ABCB5: variants seen among roughly 807,000 people sequenced by gnomAD.
ABCB5 encodes the protein ATP binding cassette subfamily B member 5.
Under a neutral mutation model 144.2 loss-of-function variants are expected in ABCB5, and 155 were observed. The ratio of observed to expected loss-of-function variants is 1.08; its 90% CI spans 0.94 to 1.23. ABCB5 has a LOEUF of 1.23. Among genes scored for constraint, ABCB5 ranks in the 50% most tolerant of loss-of-function variants. ABCB5 has a pLI of 0.00. For missense variants in ABCB5, 1,830 were observed against 1,520.8 expected, an observed-to-expected ratio of 1.20 and a Z score of -3.38; for synonymous variants, 610 against 528.6, an observed-to-expected ratio of 1.15 and a Z score of -2.11.
intron 14 of ABCB5, among the ~76,000 whole-genome samples, chr7:20,665,354 G>A (rs1445256168): frequency 1.3e-5 from 2 of 152,150 alleles, no homozygotes; most frequent in Non-Finnish European, 2.9e-5. Flanking sequence ...TGGTCTGACA[G>A]TAACCCCACA....
At chr7:20,689,764 T>C (rs1435170358) in intron 16 of ABCB5, among the ~76,000 whole-genome samples, 2 of 152,168 alleles carry the variant, frequency 1.3e-5, no homozygotes, top group Non-Finnish European at 2.9e-5. Flanking sequence ...TGCGGCACCC[T>C]CTACTGACAG....
chr7:20,632,533 A>G (rs540280589), intron 5 of ABCB5, among the ~76,000 whole-genome samples: 1 of 152,316 alleles, frequency 6.6e-6, no homozygotes, highest in Admixed American at 6.5e-5. Context: ...AGGACTATAA[A>G]TCATGCTGCT....
intron 14 of ABCB5, among the ~76,000 whole-genome samples, chr7:20,676,185 C>G (rs1299383187): frequency 4.7e-5 from 7 of 150,478 alleles, no homozygotes; most frequent in Non-Finnish European, 1.5e-5. Context: ...CACACACACA[C>G]ACACACACAC....
At position 20,756,895 on chromosome 7, in the gene ABCB5, C is replaced by A. The variant is rs1783102214; in HGVS notation, c.*1271C>A. On this transcript the variant is annotated 3_prime_UTR_variant, in exon 28 of 28. Coordinates refer to ENST00000404938, the MANE Select transcript of ABCB5 (RefSeq NM_001163941.2). The stretch of plus-strand genomic sequence containing the variant: ...TCTTCCATTTACACATTTAGCTAGC[C>A]TCCCTAAAGTGTACTCTACCAATAA... 6.6e-6 allele frequency: 1 copy of A among 152,222 alleles called. No homozygotes were observed. Among genetic ancestry groups the A allele is most frequent in the Admixed American group, 6.5e-5 (1 of 15,280 alleles). The allele number at this position is 152,222 out of a possible 1,614,324, so 9.4% of individuals were successfully genotyped here.
chr7:20,659,156 C>G, intron 14 of ABCB5: 1 of 1,613,684 alleles, frequency 6.2e-7, no homozygotes, highest in South Asian at 1.1e-5. Flanking sequence ...TCTGGCCCCT[C>G]AAACCTCACC....
rs755534502 is a variant in ABCB5 at position 20,647,613 on chromosome 7, G to C, written c.1060G>C (p.Gly354Arg). The C allele has an allele frequency of 1.0e-5, 16 of 1,582,404 alleles. No individual in the cohort carries two copies. The highest frequency in any genetic ancestry group is 1.4e-5 in the Non-Finnish European group (16 of 1,162,614). ...CTTTGAAACCTTCGCAATAGCCCGA[G>C]GAGCTGCCTTTCATATTTTCCAGGT... ...PHFETFAIAR[G>R]AAFHIFQVID... The change falls in exon 10 of 28, where the codon GGA becomes CGA. Residue 354 changes from glycine (G) to arginine (R), a missense_variant. Coordinates refer to ENST00000404938, the MANE Select transcript of ABCB5 (RefSeq NM_001163941.2).
chr7:20,626,722 G>A (rs1211160849), intron 3 of ABCB5, 111 bp downstream of exon 3: 3 of 798,326 alleles, frequency 3.8e-6, no homozygotes, highest in South Asian at 7.1e-5. Context: ...GGGAAAGAGG[G>A]AACTAAAATA....
chr7:20,679,069 T>C (rs907444390), intron 14 of ABCB5, among the ~76,000 whole-genome samples: 1 of 152,090 alleles, frequency 6.6e-6, no homozygotes, highest in African/African-American at 2.4e-5. Context: ...GGAGTAAAGA[T>C]TTCTTAAAAC....
At chr7:20,725,519 C>T (rs565906906) in intron 21 of ABCB5, among the ~76,000 whole-genome samples, 26 of 152,294 alleles carry the variant, frequency 1.7e-4, no homozygotes, top group African/African-American at 6.3e-4. Flanking sequence ...GCAGAGGTTG[C>T]AGTGAGCCAA....
chr7:20,694,411 T>C (rs1786337534), intron 16 of ABCB5, among the ~76,000 whole-genome samples: 1 of 152,008 alleles, frequency 6.6e-6, no homozygotes, highest in Admixed American at 6.6e-5. Context: ...TTTGATAAAA[T>C]ACCCCATCAT....
intron 14 of ABCB5, among the ~76,000 whole-genome samples, chr7:20,673,794 C>T (rs1432305438): frequency 6.6e-6 from 1 of 151,948 alleles, no homozygotes; most frequent in Non-Finnish European, 1.5e-5. Context: ...TAAATTAAAT[C>T]AGTCACCTTG....
At chr7:20,680,934 AC>A (rs1785772153) in intron 14 of ABCB5, among the ~76,000 whole-genome samples, 1 of 151,766 alleles carries the variant, frequency 6.6e-6, no homozygotes, top group African/African-American at 2.4e-5. Context: ...CAATACTGCA[AC>A]AAAGATTTCT....
intron 5 of ABCB5, among the ~76,000 whole-genome samples, chr7:20,640,631 C>T (rs1431527796): frequency 6.6e-6 from 1 of 152,122 alleles, no homozygotes; most frequent in African/African-American, 2.4e-5. Context: ...GCTTACAGTA[C>T]AAGAGCTGAA....
intron 20 of ABCB5, among the ~76,000 whole-genome samples, chr7:20,710,072 GA>G (rs1165239121): frequency 6.9e-6 from 1 of 144,240 alleles, no homozygotes; most frequent in African/African-American, 2.6e-5. Flanking sequence ...AAAAAAAAAA[GA>G]AAAAAAATAG....
chr7:20,730,318 T>C (rs1782166638), intron 23 of ABCB5, among the ~76,000 whole-genome samples: 1 of 152,218 alleles, frequency 6.6e-6, no homozygotes, highest in Non-Finnish European at 1.5e-5. Context: ...GAGACCAGCC[T>C]GGACAACCTG....
At chr7:20,683,002 T>G (rs975379372) in intron 15 of ABCB5, among the ~76,000 whole-genome samples, 3 of 152,230 alleles carry the variant, frequency 2.0e-5, no homozygotes, top group Admixed American at 6.5e-5. Context: ...CTGGAAGGCA[T>G]CCTTTTTTCG....
intron 14 of ABCB5, among the ~76,000 whole-genome samples, chr7:20,675,852 A>T (rs539795411): frequency 6.6e-6 from 1 of 152,204 alleles, no homozygotes; most frequent in Non-Finnish European, 1.5e-5. Flanking sequence ...ATTTAAAAAT[A>T]GGCCAGGAAG....
chr7:20,739,528 GGTCTT>G (rs370089815), intron 24 of ABCB5, among the ~76,000 whole-genome samples: 518 of 151,748 alleles, frequency 3.4e-3, no homozygotes, highest in African/African-American at 0.012. Context: ...GGGGAAAAGG[GGTCTT>G]GTCTTAATCA....
chr7:20,669,091 G>T lies in ABCB5; in HGVS notation c.1707+10415G>T, dbSNP rs1396631497. On this transcript the variant is annotated intron_variant, in intron 14 of 27. Coordinates refer to ENST00000404938, the MANE Select transcript of ABCB5 (RefSeq NM_001163941.2). ...CTCTGCCTGGCCAGCCGCCCCGTCCGGGAGGATGGTGGGGGGGGTCAGCCC... is the reference window on the plus strand; with the variant it reads ...CTCTGCCTGGCCAGCCGCCCCGTCCTGGAGGATGGTGGGGGGGGTCAGCCC... 2.0e-5 allele frequency among the ~76,000 whole-genome samples: 3 copies of T among 151,262 alleles called. No individual in the cohort carries two copies. In the South Asian group the frequency reaches 6.3e-4, roughly 32 times the overall value.
Sources: gnomAD v4.1 joint callset for allele counts (sites outside exome capture counted in the v4.1 genomes callset) on GRCh38, gnomAD v4.1.1 for gene constraint, MANE v1.5 for transcripts, NCBI Gene and HGNC (gene_info 2026-07-23, HGNC 2026-07-21) for gene names.